The following TMCC1 variants were observed in gnomAD, a reference collection of about 807,000 sequenced individuals.
TMCC1 encodes transmembrane and coiled-coil domains protein 1.
In TMCC1, 15 loss-of-function variants were observed where a neutral mutation model predicts 52.4. The observed-to-expected ratio is 0.29, with a 90% CI of 0.19 to 0.44. TMCC1 has a LOEUF of 0.44. Ranked by LOEUF, TMCC1 falls within the 20% of genes least tolerant of loss-of-function variation. The pLI is 1.00. For synonymous variants in TMCC1, 279 were observed against 301.9 expected, an observed-to-expected ratio of 0.92 and a Z score of 0.79; for missense variants, 503 against 806.0, an observed-to-expected ratio of 0.62 and a Z score of 4.55.
intron 2 of TMCC1, among the ~76,000 whole-genome samples, chr3:129,834,342 T>G (rs1015000681): frequency 6.6e-6 from 1 of 152,158 alleles, no homozygotes; most frequent in South Asian, 2.1e-4. Flanking sequence ...GGCTGGGAAG[T>G]TAAAGAGGGC....
chr3:129,787,816 T>C (rs2056147034), intron 4 of TMCC1, among the ~76,000 whole-genome samples: 1 of 152,340 alleles, frequency 6.6e-6, no homozygotes, highest in Admixed American at 6.5e-5. Flanking sequence ...TTAACACAGA[T>C]GGTTGGGAGA....
At chr3:129,704,030 G>GAAAT (rs1200974943) in intron 4 of TMCC1, among the ~76,000 whole-genome samples, 2 of 152,174 alleles carry the variant, frequency 1.3e-5, no homozygotes, top group African/African-American at 4.8e-5. Context: ...TAAAAGAAAA[G>GAAAT]GCTTAGCAGT....
chr3:129,861,165 G>A (rs2060375083), intron 2 of TMCC1, among the ~76,000 whole-genome samples: 2 of 152,246 alleles, frequency 1.3e-5, no homozygotes, highest in South Asian at 2.1e-4. Context: ...CGGTGGCCGG[G>A]CGCAGTGGCT....
chr3:129,887,542 C>CAA (rs368045992), intron 1 of TMCC1, among the ~76,000 whole-genome samples: 11,191 of 91,128 alleles, frequency 0.12, 547 homozygotes, highest in Middle Eastern at 0.22. Context: ...CTCCGTCTCT[C>CAA]AAAAAAAAAA....
At chr3:129,671,980 C>G (rs1345459417) in intron 4 of TMCC1, among the ~76,000 whole-genome samples, 3 of 152,100 alleles carry the variant, frequency 2.0e-5, no homozygotes, top group Non-Finnish European at 2.9e-5. Context: ...ACAGTAAGAG[C>G]TAAGTTAACA....
intron 1 of TMCC1, among the ~76,000 whole-genome samples, chr3:129,886,503 C>T (rs2061708179): frequency 6.6e-6 from 1 of 152,128 alleles, no homozygotes; most frequent in Non-Finnish European, 1.5e-5. Context: ...CGGCATTATT[C>T]AGAACAGCCT....
At chr3:129,771,447 G>C (rs977551889) in intron 4 of TMCC1, among the ~76,000 whole-genome samples, 2 of 152,014 alleles carry the variant, frequency 1.3e-5, no homozygotes, top group African/African-American at 4.8e-5. Context: ...AAAGTGTATG[G>C]CAGGAGAAAA....
At chr3:129,886,575 G>T (rs2061712740) in intron 1 of TMCC1, among the ~76,000 whole-genome samples, 1 of 152,144 alleles carries the variant, frequency 6.6e-6, no homozygotes, top group Non-Finnish European at 1.5e-5. Context: ...TATGCCATAA[G>T]AAAGGAATGA....
chr3:129,875,432 A>C (rs1311670643), intron 2 of TMCC1, among the ~76,000 whole-genome samples: 1 of 141,650 alleles, frequency 7.1e-6, no homozygotes, highest in Admixed American at 7.5e-5. Flanking sequence ...CAGAGGTTGC[A>C]GTCAGCCAAG....
At chr3:129,695,561 A>AAAGGGGG (rs1268563098) in intron 4 of TMCC1, among the ~76,000 whole-genome samples, 2 of 152,100 alleles carry the variant, frequency 1.3e-5, no homozygotes, top group Non-Finnish European at 2.9e-5. Flanking sequence ...GTGCCAAGCA[A>AAAGGGGG]AAGGGGGAAA....
intron 2 of TMCC1, among the ~76,000 whole-genome samples, chr3:129,863,192 C>T (rs908001651): frequency 4.6e-5 from 7 of 152,044 alleles, no homozygotes; most frequent in African/African-American, 1.7e-4. Flanking sequence ...TGTATGCATA[C>T]GTAAAAATTC....
At chr3:129,679,820 A>G (rs934921563) in intron 4 of TMCC1, among the ~76,000 whole-genome samples, 2 of 152,168 alleles carry the variant, frequency 1.3e-5, no homozygotes, top group African/African-American at 4.8e-5. Context: ...GCAGCTGCTC[A>G]AATATTTGTT....
intron 3 of TMCC1, among the ~76,000 whole-genome samples, chr3:129,829,721 T>C (rs758709010): frequency 5.9e-5 from 9 of 152,176 alleles, no homozygotes; most frequent in Non-Finnish European, 1.3e-4. Flanking sequence ...ATGGTGCTCC[T>C]GTTCTGGGAA....
chr3:129,714,278 A>C (rs2048907991), intron 4 of TMCC1, among the ~76,000 whole-genome samples: 1 of 152,196 alleles, frequency 6.6e-6, no homozygotes, highest in Admixed American at 6.5e-5. Context: ...TTATCAGTGT[A>C]TATATTTTGC....
At chr3:129,876,238 T>C (rs562161154) in intron 2 of TMCC1, among the ~76,000 whole-genome samples, 69 of 147,750 alleles carry the variant, frequency 4.7e-4, no homozygotes, top group African/African-American at 1.7e-3. Context: ...TGCTTTACAA[T>C]GACTTAAGTA....
chr3:129,702,797 C>T (rs937370793), intron 4 of TMCC1, among the ~76,000 whole-genome samples: 1 of 152,132 alleles, frequency 6.6e-6, no homozygotes, highest in Non-Finnish European at 1.5e-5. Flanking sequence ...GGGTAGATCA[C>T]TGGATATCAG....
At chr3:129,821,382 T>G (rs1474453572) in intron 4 of TMCC1, among the ~76,000 whole-genome samples, 1 of 152,188 alleles carries the variant, frequency 6.6e-6, no homozygotes, top group East Asian at 1.9e-4. Flanking sequence ...CAAATTAAAC[T>G]GCAAAGTATA....
At chr3:129,890,104 C>A (rs1410018009) in intron 1 of TMCC1, among the ~76,000 whole-genome samples, 4 of 152,000 alleles carry the variant, frequency 2.6e-5, no homozygotes, top group African/African-American at 9.7e-5. Flanking sequence ...ACATATGAGA[C>A]CCCATCTCTC....
chr3:129,848,896 C>A (rs952289740), intron 2 of TMCC1, among the ~76,000 whole-genome samples: 1 of 151,542 alleles, frequency 6.6e-6, no homozygotes, highest in African/African-American at 2.4e-5. Flanking sequence ...TACTATGGCT[C>A]GCTCCTCTAC....
Sources: allele counts gnomAD v4.1 joint callset (sites outside exome capture counted in the v4.1 genomes callset), GRCh38; gene constraint gnomAD v4.1.1; transcripts MANE v1.5; gene names NCBI Gene and HGNC (gene_info 2026-07-23, HGNC 2026-07-21).